CSMD1: variants seen among roughly 807,000 people sequenced by gnomAD.
The protein encoded by CSMD1 is CUB and sushi domain-containing protein 1.
Under a neutral mutation model 417.5 loss-of-function variants are expected in CSMD1, and 213 were observed. The ratio of observed to expected loss-of-function variants is 0.51; its 90% confidence interval spans 0.46 to 0.57. The LOEUF (loss-of-function observed/expected upper bound fraction) is 0.57, where lower values mean the gene tolerates loss of function less well. CSMD1 is among the 20% of genes least tolerant of loss of function. The pLI, the probability that CSMD1 is intolerant of heterozygous loss-of-function variation, is 0.00. For synonymous variants in CSMD1, 2,862 were observed against 1,736.8 expected, an observed-to-expected ratio of 1.65 and a Z score of -16.11; for missense variants, 6,923 against 4,529.7, an observed-to-expected ratio of 1.53 and a Z score of -15.17.
intron 12 of CSMD1, among the ~76,000 whole-genome samples, chr8:3,452,362 C>G (rs115729633): frequency 0.098 from 14,872 of 152,170 alleles, 865 homozygotes; most frequent in East Asian, 0.25. Flanking sequence ...TGTTGAATAG[C>G]AGTGGTGAGA....
At chr8:3,391,834 C>T (rs1983074) in intron 17 of CSMD1, among the ~76,000 whole-genome samples, 6,567 of 152,108 alleles carry the variant, frequency 0.043, 372 homozygotes, top group South Asian at 0.17. Context: ...CATGAAGAAG[C>T]GTCATTAATA....
intron 7 of CSMD1, among the ~76,000 whole-genome samples, chr8:3,671,372 A>T (rs969740595): frequency 2.0e-5 from 3 of 147,950 alleles, no homozygotes; most frequent in African/African-American, 4.9e-5. Context: ...AAATTGCCTG[A>T]AAACTTTTAT....
At chr8:3,430,758 G>A (rs112823337) in intron 12 of CSMD1, among the ~76,000 whole-genome samples, 6 of 152,236 alleles carry the variant, frequency 3.9e-5, no homozygotes, top group East Asian at 1.9e-4. Context: ...AGTGAGCAGC[G>A]ATCATGGCCC....
At chr8:3,683,644 A>T (rs1799785550) in intron 7 of CSMD1, among the ~76,000 whole-genome samples, 1 of 152,156 alleles carries the variant, frequency 6.6e-6, no homozygotes, top group South Asian at 2.1e-4. Flanking sequence ...TACTCTTTTA[A>T]TTTAATACCT....
At chr8:4,650,827 T>A (rs983971946) in intron 1 of CSMD1, among the ~76,000 whole-genome samples, 1 of 152,184 alleles carries the variant, frequency 6.6e-6, no homozygotes, top group Non-Finnish European at 1.5e-5. Flanking sequence ...GCTTCCAAGG[T>A]TGTAGAGTAG....
intron 7 of CSMD1, among the ~76,000 whole-genome samples, chr8:3,626,583 G>C (rs1185331502): frequency 6.6e-6 from 1 of 151,454 alleles, no homozygotes; most frequent in Admixed American, 6.6e-5. Context: ...TCATTCCCTA[G>C]ATTTAGAAAA....
chr8:3,804,066 A>G (rs1800599370), intron 5 of CSMD1, among the ~76,000 whole-genome samples: 1 of 152,020 alleles, frequency 6.6e-6, no homozygotes, highest in South Asian at 2.1e-4. Flanking sequence ...AGCTGCGATT[A>G]CAGACGTGCA....
intron 3 of CSMD1, among the ~76,000 whole-genome samples, chr8:4,113,982 G>T (rs2081357): frequency 1.3e-5 from 2 of 152,052 alleles, no homozygotes; most frequent in Non-Finnish European, 2.9e-5. Flanking sequence ...AGGTGAAGCA[G>T]CAAATGTCAA....
intron 8 of CSMD1, among the ~76,000 whole-genome samples, chr8:3,589,382 G>GTGTA (rs1800745621): frequency 1.9e-5 from 1 of 52,872 alleles, no homozygotes; most frequent in African/African-American, 4.9e-5. Context: ...AAAATGTGGT[G>GTGTA]TGTGTGTGTG....
intron 10 of CSMD1, among the ~76,000 whole-genome samples, chr8:3,542,303 A>C (rs1296132130): frequency 6.6e-6 from 1 of 151,952 alleles, no homozygotes; most frequent in African/African-American, 2.4e-5. Flanking sequence ...CAGATGGTTC[A>C]TTCAGAATCT....
intron 3 of CSMD1, among the ~76,000 whole-genome samples, chr8:4,160,400 T>C (rs1647293): frequency 0.98 from 149,993 of 152,318 alleles, 73,898 homozygotes; most frequent in East Asian, 1. Context: ...GACATATATA[T>C]ACGCAACTTT....
intron 20 of CSMD1, among the ~76,000 whole-genome samples, chr8:3,362,261 G>C (rs1251456295): frequency 6.6e-6 from 1 of 152,130 alleles, no homozygotes; most frequent in Non-Finnish European, 1.5e-5. Context: ...AAAGTGTTGG[G>C]TGTACCTTCC....
intron 1 of CSMD1, among the ~76,000 whole-genome samples, chr8:4,822,877 G>C (rs9644376): frequency 0.9 from 136,659 of 152,154 alleles, 61,670 homozygotes; most frequent in East Asian, 0.98. Flanking sequence ...TTCATAATAT[G>C]TTATGTTAAT....
At position 3,445,249 on chromosome 8, in the gene CSMD1, T is replaced by C. The variant is rs192484988; in HGVS notation, c.1561+23463A>G. Among the ~76,000 whole-genome samples the C allele has an allele frequency of 1.9e-3, 296 of 152,314 alleles. 1 individual carries two copies. Among genetic ancestry groups the C allele is most frequent in the Non-Finnish European group, 3.5e-3 (239 of 68,004 alleles). On this transcript the variant is annotated intron_variant, in intron 12 of 69. Transcript: ENST00000635120. ...TTTCAGTAGTCTGGGTTACGTTCTCTGGGTTTCACTGGTGGAAGAAGAAGT... is the reference window on the plus strand; with the variant it reads ...TTTCAGTAGTCTGGGTTACGTTCTCCGGGTTTCACTGGTGGAAGAAGAAGT...
At chr8:4,579,296 C>T (rs1799296875) in intron 2 of CSMD1, among the ~76,000 whole-genome samples, 1 of 150,604 alleles carries the variant, frequency 6.6e-6, no homozygotes. Context: ...TATAAAAAAT[C>T]CTCTTGCCAA....
At chr8:4,807,109 T>C (rs1468916882) in intron 1 of CSMD1, among the ~76,000 whole-genome samples, 1 of 152,184 alleles carries the variant, frequency 6.6e-6, no homozygotes. Context: ...TACATTCTCA[T>C]AGAAAATTAA....
At chr8:3,036,324 T>C (rs1281691730) in intron 50 of CSMD1, among the ~76,000 whole-genome samples, 2 of 152,204 alleles carry the variant, frequency 1.3e-5, no homozygotes, top group African/African-American at 2.4e-5. Flanking sequence ...AAACTTATCA[T>C]AAATCTTCTG....
chr8:3,342,686 T>C (rs1807737937), intron 23 of CSMD1, among the ~76,000 whole-genome samples: 2 of 152,202 alleles, frequency 1.3e-5, no homozygotes, highest in African/African-American at 2.4e-5. Context: ...ATACAGATGA[T>C]GGGAAGCACC....
chr8:4,209,531 G>A lies in CSMD1; in HGVS notation c.416-177432C>T, dbSNP rs375718912. Among the ~76,000 whole-genome samples the A allele has an allele frequency of 5.5e-4, 83 of 152,224 alleles. 2 individuals carry two copies. The highest frequency in any genetic ancestry group is 1.4e-3 in the East Asian group (7 of 5,168). ...CCCTCCTCTCTGGGAAACAGGAGCC[G>A]CGTGAGATTCCTTGCTGCCATGCTG... is the stretch of plus-strand genomic sequence containing the variant. On this transcript the variant is annotated intron_variant, in intron 3 of 69. Coordinates refer to ENST00000635120, the MANE Select transcript of CSMD1 (RefSeq NM_033225.6).
Sources: allele counts gnomAD v4.1 joint callset (sites outside exome capture counted in the v4.1 genomes callset), GRCh38; gene constraint gnomAD v4.1.1; transcripts MANE v1.5; gene names NCBI Gene and HGNC (gene_info 2026-07-23, HGNC 2026-07-21).